ANO1: variants seen among roughly 807,000 people sequenced by gnomAD.
ANO1 encodes anoctamin-1.
Under a neutral mutation model 124.0 loss-of-function variants are expected in ANO1, and 59 were observed. The ratio of observed to expected loss-of-function variants is 0.48; its 90% CI spans 0.39 to 0.59. The LOEUF is 0.59. Among genes scored for constraint, ANO1 ranks in the 20% least tolerant of loss-of-function variants. The pLI is 0.00. For missense variants in ANO1, 1,059 were observed against 1,328.0 expected (o/e 0.80, Z 3.15); for synonymous variants, 529 against 532.0 (o/e 0.99, Z 0.08).
chr11:70,088,110 GTGGGGGGTGGGGGGTGGGCTGC>G, intron 2 of ANO1, 26 bp downstream of exon 2: 1 of 201,728 alleles, frequency 5.0e-6, no homozygotes, highest in Non-Finnish European at 9.0e-6. Flanking sequence ...CGCGCTGTTT[GTGGGGGGTGGGGGGTGGGCTGC>G]GTGGGGGGCA....
At chr11:70,147,602 A>G (rs1355876596) in intron 11 of ANO1, among the ~76,000 whole-genome samples, 4 of 152,208 alleles carry the variant, frequency 2.6e-5, no homozygotes, top group Admixed American at 1.3e-4. Flanking sequence ...AGGTTCAGCC[A>G]GTGGGAAGCC....
At chr11:69,981,588 A>G (rs1438483751), upstream of ANO1, among the ~76,000 whole-genome samples, 2 of 152,194 alleles carry the variant, frequency 1.3e-5, no homozygotes, top group Non-Finnish European at 2.9e-5. Context: ...CTCCAGCAAC[A>G]GCGCTTTGCT....
In ANO1 at chr11:70,182,539, G is replaced by A. The variant is rs748145836; in HGVS notation, c.2441G>A (p.Arg814His). The change falls in exon 24 of 26, where the codon CGC (arginine) becomes CAC (histidine). Residue 814 changes from arginine (R) to histidine (H), a missense_variant. Arg to His is a conservative substitution (Grantham distance 29). This residue lies in a region of ANO1 where 809 missense variants were observed against 1,094.9 expected (regional missense o/e 0.74). Coordinates refer to ENST00000355303, the MANE Select transcript of ANO1 (RefSeq NM_018043.7). The stretch of plus-strand genomic sequence containing the variant: ...TCCTTCACGTCTGACTTCATCCCGC[G>A]CCTGGTGTACCTCTACATGTACAGT... ...VISFTSDFIP[R>H]LVYLYMYSKN... The A allele has an allele frequency of 6.8e-6, 11 of 1,606,132 alleles. No individual in the cohort carries two copies. The highest frequency in any genetic ancestry group is 2.3e-5 in the East Asian group (1 of 44,372).
At chr11:70,145,382 G>C (rs2047329237) in intron 11 of ANO1, among the ~76,000 whole-genome samples, 1 of 152,214 alleles carries the variant, frequency 6.6e-6, no homozygotes, top group African/African-American at 2.4e-5. Context: ...TCATTGCTTA[G>C]CTCCAGCCTT....
At chr11:70,097,329 G>A (rs1003170610) in intron 2 of ANO1, among the ~76,000 whole-genome samples, 24 of 152,278 alleles carry the variant, frequency 1.6e-4, no homozygotes, top group African/African-American at 5.5e-4. Context: ...AGGATAATGG[G>A]GGATGTATGC....
chr11:70,103,301 C>A, intron 3 of ANO1, 137 bp downstream of exon 3: 1 of 690,126 alleles, frequency 1.4e-6, no homozygotes, highest in Non-Finnish European at 2.4e-6. Flanking sequence ...GCTACCCCTG[C>A]AAAGACCATG....
At chr11:70,036,490 A>G (rs1319606943) in intron 1 of ANO1, among the ~76,000 whole-genome samples, 4 of 152,186 alleles carry the variant, frequency 2.6e-5, no homozygotes, top group African/African-American at 9.6e-5. Flanking sequence ...ACTGGTAAGG[A>G]AGGCCTGCTC....
At chr11:70,177,594 CTTTTTTTTTTTTTTT>C (rs57647858) in intron 22 of ANO1, among the ~76,000 whole-genome samples, 8 of 78,930 alleles carry the variant, frequency 1.0e-4, no homozygotes, top group East Asian at 8.3e-4. Flanking sequence ...TTTTTTTTTT[CTTTTTTTTTTTTTTT>C]TTTTTTTTGA....
At chr11:70,043,903 A>T (rs1406612634) in intron 1 of ANO1, among the ~76,000 whole-genome samples, 2 of 152,152 alleles carry the variant, frequency 1.3e-5, no homozygotes, top group Non-Finnish European at 1.5e-5. Context: ...GAATTAGTAT[A>T]TAATAATAAA....
chr11:70,032,907 G>A (rs560482266), intron 1 of ANO1, among the ~76,000 whole-genome samples: 1 of 151,976 alleles, frequency 6.6e-6, no homozygotes, highest in Admixed American at 6.5e-5. Flanking sequence ...AAGGGAGAAA[G>A]GGAGGAAGGA....
At chr11:69,999,155 C>T (rs1020554166) in intron 1 of ANO1, among the ~76,000 whole-genome samples, 8 of 151,946 alleles carry the variant, frequency 5.3e-5, no homozygotes, top group Non-Finnish European at 8.8e-5. Context: ...GGAAGCATGG[C>T]GGCATCTGCT....
chr11:70,031,585 C>A (rs1346067909), intron 1 of ANO1, among the ~76,000 whole-genome samples: 1 of 152,076 alleles, frequency 6.6e-6, no homozygotes, highest in Admixed American at 6.5e-5. Flanking sequence ...CAAGGTGAGC[C>A]GTTGAGGGCC....
intron 11 of ANO1, among the ~76,000 whole-genome samples, chr11:70,135,712 A>G (rs529683745): frequency 1.1e-4 from 16 of 152,358 alleles, no homozygotes; most frequent in African/African-American, 3.8e-4. Flanking sequence ...AGGCATGCCC[A>G]GTAAGAGCAC....
In ANO1 at chr11:70,126,170, GCCA is replaced by G; in HGVS notation, c.1076_1078del (p.Thr359del). The G allele has an allele frequency of 6.2e-7, 1 of 1,613,034 alleles. No homozygotes were observed. The highest frequency in any genetic ancestry group is 8.5e-7 in the Non-Finnish European group (1 of 1,179,492). On this transcript the variant is annotated inframe_deletion, in exon 10 of 26. Coordinates refer to ENST00000355303, the MANE Select transcript of ANO1 (RefSeq NM_018043.7). ...AATCATTGTCTTCCTGTACGGATGC[GCCA>G]CCATGGATGAAAACATCCCCAGGTA...
the ANO1 span, among the ~76,000 whole-genome samples, chr11:69,968,337 A>C: frequency 6.6e-6 from 1 of 152,054 alleles, no homozygotes; most frequent in Non-Finnish European, 1.5e-5. Flanking sequence ...CCCAGGGATG[A>C]CCCTCTGCCT....
chr11:70,113,858 G>A (rs752847960), intron 7 of ANO1, among the ~76,000 whole-genome samples: 5 of 152,074 alleles, frequency 3.3e-5, no homozygotes, highest in Non-Finnish European at 5.9e-5. Context: ...TTTGCCTGAG[G>A]TCACACAGCC....
chr11:70,114,051 A>T (rs553523645), intron 7 of ANO1, among the ~76,000 whole-genome samples: 2 of 152,358 alleles, frequency 1.3e-5, no homozygotes, highest in African/African-American at 2.4e-5. Context: ...AAACTCCCTC[A>T]TCAGCTGGAT....
intron 1 of ANO1, among the ~76,000 whole-genome samples, chr11:70,041,834 C>T (rs1425669426): frequency 6.6e-6 from 1 of 152,118 alleles, no homozygotes; most frequent in East Asian, 1.9e-4. Context: ...AACAGGGGAA[C>T]TCTCCTCAAG....
Position 70,053,099 on chromosome 11 carries a change from T to C in ANO1, c.59-25443T>C, listed in dbSNP as rs888953512. The stretch of plus-strand genomic sequence containing the variant: ...AGAACAATTGACTTTTGAGTGTTAA[T>C]CTTGTATTCAGTGACTTTGCCAAAT... On this transcript the variant is annotated intron_variant, in intron 1 of 27. Transcript: ENST00000531349. Among the ~76,000 whole-genome samples the C allele has an allele frequency of 1.6e-4, 24 of 152,242 alleles. 1 individual carries two copies. Among genetic ancestry groups the C allele is most frequent in the Admixed American group, 1.5e-3 (23 of 15,286 alleles).
Sources: allele counts gnomAD v4.1 joint callset (sites outside exome capture counted in the v4.1 genomes callset), GRCh38; gene constraint gnomAD v4.1.1; regional missense constraint gnomAD v4.1.1; transcripts MANE v1.5; gene names NCBI Gene and HGNC (gene_info 2026-07-23, HGNC 2026-07-21).